SPECC1L: variants seen among roughly 807,000 people sequenced by gnomAD.
The protein encoded by SPECC1L is sperm antigen with calponin homology and coiled-coil domains 1 like.
A neutral mutation model predicts 116.8 loss-of-function variants in SPECC1L; 40 were observed. The observed-to-expected ratio is 0.34, with a 90% CI of 0.27 to 0.45. SPECC1L has a LOEUF of 0.45. Among genes scored for constraint, SPECC1L ranks in the 20% least tolerant of loss-of-function variants. SPECC1L has a pLI of 1.00. For missense variants in SPECC1L, 1,110 were observed against 1,373.6 expected (o/e 0.81, Z 3.03); for synonymous variants, 504 against 500.6 (o/e 1.01, Z -0.09).
intron 14 of SPECC1L, among the ~76,000 whole-genome samples, chr22:24,383,081 T>C (rs932755678): frequency 6.6e-6 from 1 of 152,176 alleles, no homozygotes; most frequent in Non-Finnish European, 1.5e-5. Flanking sequence ...CAAATGGGAA[T>C]GACAAAGGGA....
intron 3 of SPECC1L, among the ~76,000 whole-genome samples, chr22:24,310,261 A>G (rs144820332): frequency 1.3e-5 from 2 of 152,328 alleles, no homozygotes; most frequent in East Asian, 1.9e-4. Context: ...CTGTGTATAT[A>G]TAGGCATTTA....
intron 14 of SPECC1L, among the ~76,000 whole-genome samples, chr22:24,402,113 C>CCTTCCTTCCT (rs2042489411): frequency 7.3e-6 from 1 of 137,006 alleles, no homozygotes; most frequent in Non-Finnish European, 1.6e-5. Flanking sequence ...CCTTCCTTCC[C>CCTTCCTTCCT]CTTCCTTCCC....
chr22:24,334,508 C>T lies in SPECC1L; in HGVS notation c.2495C>T (p.Ser832Leu), dbSNP rs760440533. 3 of 1,614,134 alleles carry T rather than the reference C, an allele frequency of 1.9e-6. No individual in the cohort carries two copies. The highest frequency in any genetic ancestry group is 1.1e-5 in the South Asian group (1 of 91,080). ...GGAATGGGACTGAGTAGAAGGTCCT[C>T]GACTTCCTCAGAGCCAACTCCTACA... ...RQGMGLSRRS[S>L]TSSEPTPTVK... is the part of the protein sequence containing the mutation. The change falls in exon 9 of 17, where the codon TCG becomes TTG. Residue 832 changes from serine to leucine, a missense_variant. Ser to Leu is a moderately radical substitution (Grantham distance 145). This residue lies in a region of SPECC1L where 575 missense variants were observed against 682.4 expected (regional missense o/e 0.84). Transcript: ENST00000314328.
At chr22:24,308,808 T>G (rs112450042) in intron 3 of SPECC1L, among the ~76,000 whole-genome samples, 5 of 152,196 alleles carry the variant, frequency 3.3e-5, no homozygotes, top group Admixed American at 1.3e-4. Context: ...CAAGGAAGAG[T>G]TTTTACTTTC....
At chr22:24,365,098 C>T (rs1331015896) in intron 12 of SPECC1L, among the ~76,000 whole-genome samples, 1 of 152,108 alleles carries the variant, frequency 6.6e-6, no homozygotes. Context: ...ACCTCCACCA[C>T]CCGGGTTTAA....
At chr22:24,327,155 A>G (rs2040837062) in intron 6 of SPECC1L, among the ~76,000 whole-genome samples, 1 of 151,682 alleles carries the variant, frequency 6.6e-6, no homozygotes, top group Non-Finnish European at 1.5e-5. Context: ...GCAGGCGCCT[A>G]TAATCCCATC....
chr22:24,349,463 T>G (rs2041375664), intron 11 of SPECC1L, among the ~76,000 whole-genome samples: 1 of 152,238 alleles, frequency 6.6e-6, no homozygotes. Flanking sequence ...TAAATACTAT[T>G]TTTGTGCTGA....
intron 14 of SPECC1L, among the ~76,000 whole-genome samples, chr22:24,389,927 G>T (rs922816486): frequency 6.6e-6 from 1 of 152,126 alleles, no homozygotes; most frequent in Non-Finnish European, 1.5e-5. Context: ...AAGCCTGTGG[G>T]TTGAGTAGAT....
At chr22:24,363,183 A>T (rs896940798) in intron 11 of SPECC1L, 78 bp from the exon 12 acceptor site, 27 of 1,282,238 alleles carry the variant, frequency 2.1e-5, no homozygotes, top group Non-Finnish European at 2.8e-5. Flanking sequence ...AAGGAGTAAA[A>T]CTCACCTTCT....
chr22:24,277,149 C>T (rs1385864984), intron 2 of SPECC1L, among the ~76,000 whole-genome samples: 1 of 152,236 alleles, frequency 6.6e-6, no homozygotes, highest in South Asian at 2.1e-4. Context: ...GATTTATGCT[C>T]ATTTCTTTGT....
chr22:24,287,730 G>A (rs1228917126), intron 2 of SPECC1L, among the ~76,000 whole-genome samples: 1 of 152,122 alleles, frequency 6.6e-6, no homozygotes, highest in Non-Finnish European at 1.5e-5. Flanking sequence ...TTTTACAGTG[G>A]ATCTGATATT....
chr22:24,369,427 C>T, intron 14 of SPECC1L, 107 bp downstream of exon 14: 2 of 813,734 alleles, frequency 2.5e-6, no homozygotes, highest in Non-Finnish European at 4.3e-6. Context: ...CCTGACCTGG[C>T]ATGGTGGATC....
chr22:24,275,407 A>G (rs1402200962), intron 1 of SPECC1L, among the ~76,000 whole-genome samples: 2 of 152,166 alleles, frequency 1.3e-5, no homozygotes, highest in Non-Finnish European at 2.9e-5. Flanking sequence ...TCTGATTCCA[A>G]TTTTATTTCT....
rs1207309476 is a variant in SPECC1L at position 24,302,325 on chromosome 22, T to A, written c.94T>A (p.Ser32Thr). 1 of 1,614,052 alleles carries A rather than the reference T, an allele frequency of 6.2e-7. No homozygotes were observed. The highest frequency in any genetic ancestry group is 1.3e-5 in the African/African-American group (1 of 74,926). Residue 32 changes from serine to threonine, a missense_variant, in exon 3 of 17, where the codon TCT becomes ACT. Coordinates refer to ENST00000314328, the MANE Select transcript of SPECC1L (RefSeq NM_015330.6). Reference sequence around the variant, plus strand: ...AGAAAAAATTAAACCTGAAAACAGCTCTTCAGCATCTACGGGAGGCAAACT... The same window carrying A: ...AGAAAAAATTAAACCTGAAAACAGCACTTCAGCATCTACGGGAGGCAAACT... ...TAEKIKPENS[S>T]SASTGGKLVK...
intron 2 of SPECC1L, among the ~76,000 whole-genome samples, chr22:24,283,449 TATC>T (rs1250197459): frequency 6.6e-6 from 1 of 152,242 alleles, no homozygotes; most frequent in African/African-American, 2.4e-5. Context: ...TATGATATAT[TATC>T]CTTTTTTTCT....
chr22:24,412,223 G>C, intron 15 of SPECC1L: 8 of 360,722 alleles, frequency 2.2e-5, no homozygotes, highest in Non-Finnish European at 4.3e-5. Context: ...AGGGCCACTG[G>C]AGAGGATCCA....
chr22:24,373,645 A>C (rs1354359885), intron 14 of SPECC1L, among the ~76,000 whole-genome samples: 2 of 152,224 alleles, frequency 1.3e-5, no homozygotes, highest in African/African-American at 2.4e-5. Flanking sequence ...TAAAGACTTA[A>C]ATGTTAGACC....
At chr22:24,389,569 G>A (rs1427638775) in intron 14 of SPECC1L, among the ~76,000 whole-genome samples, 1 of 151,010 alleles carries the variant, frequency 6.6e-6, no homozygotes, top group Non-Finnish European at 1.5e-5. Context: ...CTCTACTGCA[G>A]CCAGAAGTTT....
At chr22:24,318,580 T>C (rs984487194) in intron 4 of SPECC1L, among the ~76,000 whole-genome samples, 1 of 152,092 alleles carries the variant, frequency 6.6e-6, no homozygotes, top group Non-Finnish European at 1.5e-5. Flanking sequence ...TAGATAAGGA[T>C]GTGGTACCAC....
Sources: allele counts gnomAD v4.1 joint callset (sites outside exome capture counted in the v4.1 genomes callset), GRCh38; gene constraint gnomAD v4.1.1; regional missense constraint gnomAD v4.1.1; transcripts MANE v1.5; gene names NCBI Gene and HGNC (gene_info 2026-07-23, HGNC 2026-07-21).